Variants in RPTOR observed in about 807,000 individuals in gnomAD.
RPTOR encodes regulatory associated protein of MTOR complex 1, also known as regulatory-associated protein of mTOR.
A neutral mutation model predicts 169.9 loss-of-function variants in RPTOR; 21 were observed. The observed-to-expected ratio is 0.12, with a 90% CI of 0.09 to 0.18. RPTOR has a LOEUF of 0.18. Among genes scored for constraint, RPTOR ranks in the 10% least tolerant of loss-of-function variants. The pLI is 1.00. For synonymous variants in RPTOR, 732 were observed against 753.2 expected (o/e 0.97, Z 0.46); for missense variants, 1,133 against 1,855.9 (o/e 0.61, Z 7.16).
intron 3 of RPTOR, among the ~76,000 whole-genome samples, chr17:80,696,823 T>A (rs2066041173): frequency 6.6e-6 from 1 of 152,168 alleles, no homozygotes. Context: ...AGACCAGGTG[T>A]GTCACCTTGA....
At chr17:80,690,211 C>A (rs921989812) in intron 3 of RPTOR, among the ~76,000 whole-genome samples, 7 of 151,936 alleles carry the variant, frequency 4.6e-5, no homozygotes, top group African/African-American at 1.7e-4. Flanking sequence ...CCCACCCAGT[C>A]CCCCCTTCCC....
intron 2 of RPTOR, among the ~76,000 whole-genome samples, chr17:80,635,019 A>G (rs891909058): frequency 2.0e-5 from 3 of 152,156 alleles, no homozygotes; most frequent in Non-Finnish European, 4.4e-5. Flanking sequence ...CATGCCTCCT[A>G]TTCCACCTCA....
intron 21 of RPTOR, among the ~76,000 whole-genome samples, chr17:80,918,237 C>T (rs1374448520): frequency 1.3e-5 from 2 of 152,216 alleles, no homozygotes; most frequent in African/African-American, 4.8e-5. Context: ...CCAATGCTGG[C>T]CCGTGGGCCC....
chr17:80,930,824 TC>T (rs558139371), intron 24 of RPTOR, among the ~76,000 whole-genome samples: 5 of 152,160 alleles, frequency 3.3e-5, no homozygotes, highest in Non-Finnish European at 7.3e-5. Context: ...CAGGACAGCT[TC>T]CTCCCACAGC....
chr17:80,896,290 T>C (rs780267930), intron 20 of RPTOR, among the ~76,000 whole-genome samples: 2 of 150,338 alleles, frequency 1.3e-5, no homozygotes, highest in Admixed American at 1.3e-4. Context: ...CCATCAGTCC[T>C]TAGGGTCTGA....
At chr17:80,930,374 TCCCCAGC>T (rs2068874164) in intron 24 of RPTOR, among the ~76,000 whole-genome samples, 1 of 38,448 alleles carries the variant, frequency 2.6e-5, no homozygotes, top group African/African-American at 8.4e-5. Flanking sequence ...CCTCAGCTCA[TCCCCAGC>T]TCAGCTCAGC....
chr17:80,804,803 C>A (rs545737677), intron 7 of RPTOR: 3 of 152,250 alleles, frequency 2.0e-5, no homozygotes, highest in African/African-American at 7.2e-5. Context: ...TTTGTGAGTG[C>A]GATTCTGAGG....
In RPTOR at chr17:80,762,359, C is replaced by T. The variant is rs1387170102; in HGVS notation, c.830+8174C>T. On this transcript the variant is annotated intron_variant, in intron 6 of 33. Transcript: ENST00000306801. ...GCTGGTCCCTTGAGATGGCTGAGTC[C>T]CCACTGGGGGCTGGGGTGAGGGGTG... Among the ~76,000 whole-genome samples the T allele has an allele frequency of 2.6e-5, 4 of 152,228 alleles. No individual in the cohort carries two copies. The East Asian group carries it at 7.7e-4, about 29-fold the overall frequency.
chr17:80,906,975 C>T (rs1311724969), intron 20 of RPTOR, among the ~76,000 whole-genome samples: 3 of 152,198 alleles, frequency 2.0e-5, no homozygotes, highest in Non-Finnish European at 4.4e-5. Context: ...AAGTAGAGCC[C>T]GTCTTGGGCT....
At chr17:80,898,132 A>T (rs1206777184) in intron 20 of RPTOR, among the ~76,000 whole-genome samples, 2 of 152,094 alleles carry the variant, frequency 1.3e-5, no homozygotes, top group African/African-American at 2.4e-5. Flanking sequence ...TGCTGATAGG[A>T]TTATTTACAT....
intron 3 of RPTOR, among the ~76,000 whole-genome samples, chr17:80,693,299 G>T (rs74411025): frequency 0.061 from 9,280 of 152,258 alleles, 971 homozygotes; most frequent in African/African-American, 0.21. Context: ...GACCGAGCCT[G>T]TCTGCAGACA....
At position 80,906,524 on chromosome 17, in the gene RPTOR, A is replaced by G. The variant is rs1375546545; in HGVS notation, c.2402-2287A>G. Among the ~76,000 whole-genome samples, 5 of 152,186 alleles carry G rather than the reference A, an allele frequency of 3.3e-5. No homozygotes were observed. The East Asian group carries it at 9.6e-4, about 29-fold the overall frequency. On this transcript the variant is annotated intron_variant, in intron 20 of 33. Coordinates refer to ENST00000306801, the MANE Select transcript of RPTOR (RefSeq NM_020761.3). ...GGCCCTAGGCTCCCAAGACGTTCCC[A>G]CTGCCTCCTCCTGGGCACAAGGCTC...
chr17:80,581,469 GC>G (rs2065012603), intron 1 of RPTOR, among the ~76,000 whole-genome samples: 1 of 151,016 alleles, frequency 6.6e-6, no homozygotes, highest in Non-Finnish European at 1.5e-5. Flanking sequence ...GTGCATGCCT[GC>G]TATTCTCTGC....
Position 80,842,178 on chromosome 17 carries a change from G to T in RPTOR, c.1212+4181G>T, listed in dbSNP as rs556582569. On this transcript the variant is annotated intron_variant, in intron 10 of 33. Coordinates refer to ENST00000306801, the MANE Select transcript of RPTOR (RefSeq NM_020761.3). ...CAGTCCTCACTAACAGTGCTGGCTA[G>T]AGCCAGACTCTGTCACATCAGAGCC... Among the ~76,000 whole-genome samples the T allele has an allele frequency of 1.2e-4, 18 of 152,356 alleles. No individual in the cohort carries two copies. The South Asian group carries it at 2.1e-3, about 18-fold the overall frequency.
intron 18 of RPTOR, 77 bp downstream of exon 18, chr17:80,891,914 C>T (rs1244234401): frequency 2.0e-6 from 2 of 998,268 alleles, no homozygotes; most frequent in Non-Finnish European, 3.1e-6. Context: ...CAGTCTTGCT[C>T]ACCCTCGCAG....
intron 1 of RPTOR, among the ~76,000 whole-genome samples, chr17:80,594,804 T>C (rs1442655258): frequency 1.3e-5 from 2 of 152,236 alleles, no homozygotes; most frequent in South Asian, 2.1e-4. Flanking sequence ...GGCTCCATGG[T>C]AAATTGCCAG....
At chr17:80,604,281 CAG>C (rs1393087559) in intron 1 of RPTOR, among the ~76,000 whole-genome samples, 5 of 152,188 alleles carry the variant, frequency 3.3e-5, no homozygotes, top group Non-Finnish European at 7.4e-5. Flanking sequence ...TGGATAGAAA[CAG>C]AACTTTTCTG....
Position 80,746,946 on chromosome 17 carries a change from G to A in RPTOR, c.655-7064G>A, listed in dbSNP as rs746591297. ...AAAATGCTAGGTTCTGGGTGGGTGC[G>A]GTGGGTCAGGCCTGTAACCCCAGAA... On this transcript the variant is annotated intron_variant, in intron 5 of 33. Coordinates refer to ENST00000306801, the MANE Select transcript of RPTOR (RefSeq NM_020761.3). The surrounding 1 kb of genome is among the most constrained non-coding windows in gnomAD (Gnocchi z 4.5). Among the ~76,000 whole-genome samples the A allele has an allele frequency of 2.0e-5, 3 of 151,970 alleles. No homozygotes were observed. The highest frequency in any genetic ancestry group is 2.1e-4 in the South Asian group (1 of 4,812).
intron 3 of RPTOR, among the ~76,000 whole-genome samples, chr17:80,700,515 TG>T: frequency 8.6e-6 from 1 of 116,944 alleles, no homozygotes; most frequent in South Asian, 2.7e-4. Context: ...ATGGTGATGG[TG>T]ATGGTGGTGG....
Sources: allele counts gnomAD v4.1 joint callset (sites outside exome capture counted in the v4.1 genomes callset), GRCh38; gene constraint gnomAD v4.1.1; non-coding constraint Gnocchi (gnomAD v3.1); transcripts MANE v1.5; gene names NCBI Gene and HGNC (gene_info 2026-07-23, HGNC 2026-07-21).